RERE: variants seen among roughly 807,000 people sequenced by gnomAD.
The protein encoded by RERE is arginine-glutamic acid dipeptide repeats protein.
In RERE, 40 loss-of-function variants were observed where a neutral mutation model predicts 146.1. The observed-to-expected ratio is 0.27, with a 90% confidence interval of 0.21 to 0.36. The LOEUF (loss-of-function observed/expected upper bound fraction) is 0.36, where lower values mean the gene tolerates loss of function less well. RERE is among the 10% of genes least tolerant of loss of function. RERE has a pLI of 1.00. For missense variants in RERE, 1,933 were observed against 2,138.7 expected, an observed-to-expected ratio of 0.90 and a Z score of 1.90; for synonymous variants, 1,003 against 866.0, an observed-to-expected ratio of 1.16 and a Z score of -2.78.
At position 8,423,511 on chromosome 1, in the gene RERE, A is replaced by T; in HGVS notation, c.1204-704T>A. 2.0e-6 allele frequency: 2 copies of T among 981,520 alleles called. No individual in the cohort carries two copies. Among genetic ancestry groups the T allele is most frequent in the Non-Finnish European group, 2.4e-6 (2 of 826,572 alleles). The allele number at this position is 981,520 out of a possible 1,614,324, so 60.8% of individuals were successfully genotyped here. A position where few individuals can be genotyped will look rare whatever the true frequency, so the allele number is the denominator to read the frequency against. The stretch of plus-strand genomic sequence containing the variant: ...CTTTCACTTTGTCCCATGCCTCCCG[A>T]GCACCCCTCCCCGCCCCGGTGGGGG... On this transcript the variant is annotated intron_variant, in intron 11 of 22. Transcript: ENST00000400908. The surrounding 1 kb of genome is among the most constrained non-coding windows in gnomAD (Gnocchi z 5.4).
intron 1 of RERE, among the ~76,000 whole-genome samples, chr1:8,716,739 TA>T (rs1038861516): frequency 6.6e-6 from 1 of 151,728 alleles, no homozygotes; most frequent in Non-Finnish European, 1.5e-5. Context: ...TACCTTTTTT[TA>T]AAAAAAATTC....
At chr1:8,604,764 C>T (rs1239029549) in intron 4 of RERE, among the ~76,000 whole-genome samples, 1 of 148,656 alleles carries the variant, frequency 6.7e-6, no homozygotes, top group South Asian at 2.1e-4. Context: ...ACGAACTTGC[C>T]AAAAAAAAAC....
At chr1:8,433,796 A>G (rs1644129825) in intron 11 of RERE, among the ~76,000 whole-genome samples, 2 of 151,058 alleles carry the variant, frequency 1.3e-5, no homozygotes, top group Non-Finnish European at 1.5e-5. Context: ...TCCTGACCTC[A>G]TGATCCACCC....
chr1:8,694,975 G>T (rs1570618263), intron 1 of RERE, among the ~76,000 whole-genome samples: 3 of 133,196 alleles, frequency 2.3e-5, no homozygotes, highest in African/African-American at 8.7e-5. Flanking sequence ...AAATCCTAAG[G>T]GGGGGGGGGG....
chr1:8,685,455 C>T (rs952516652), intron 1 of RERE, among the ~76,000 whole-genome samples: 1 of 152,140 alleles, frequency 6.6e-6, no homozygotes, highest in East Asian at 1.9e-4. Context: ...GGCGCGGTGG[C>T]TCACGCCTGT....
intron 10 of RERE, among the ~76,000 whole-genome samples, chr1:8,478,376 A>G (rs1178025584): frequency 6.6e-6 from 1 of 152,196 alleles, no homozygotes; most frequent in Admixed American, 6.5e-5. Context: ...AGAAAGAAGA[A>G]AAGGAGGAGA....
intron 1 of RERE, among the ~76,000 whole-genome samples, chr1:8,781,850 G>A (rs1641171447): frequency 6.6e-6 from 1 of 151,824 alleles, no homozygotes; most frequent in African/African-American, 2.4e-5. Context: ...TAATATAAAA[G>A]AAATCTCAAG....
intron 4 of RERE, 124 bp from the exon 5 acceptor site, chr1:8,557,647 A>T (rs1286977692): frequency 2.9e-6 from 2 of 683,598 alleles, no homozygotes; most frequent in Non-Finnish European, 5.2e-6. Flanking sequence ...CACAATTACC[A>T]TCAGGACCAC....
Position 8,358,203 on chromosome 1 carries a change from G to A in RERE, c.4332C>T (p.Leu1444=). The A allele has an allele frequency of 6.3e-7, 1 of 1,591,738 alleles. No individual in the cohort carries two copies. Among genetic ancestry groups the A allele is most frequent in the Non-Finnish European group, 8.6e-7 (1 of 1,162,618 alleles). ...CCACGCTGGGGCACGCACCTTGGTG[G>A]AGGGGGTCCTGCTGGTGGAGGTGGA... The part of the protein sequence containing the change: ...SHLHLHQQDP[L]HQGSAGPVHP... Residue 1444 remains leucine, a synonymous_variant, in exon 20 of 23, where the codon CTC becomes CTT. Transcript: ENST00000400908.
At chr1:8,402,907 G>A (rs890996122) in intron 12 of RERE, among the ~76,000 whole-genome samples, 10 of 151,972 alleles carry the variant, frequency 6.6e-5, no homozygotes, top group African/African-American at 2.4e-4. Context: ...AGTTTCTTTC[G>A]CTTTTTTTTG....
intron 1 of RERE, among the ~76,000 whole-genome samples, chr1:8,667,479 G>A (rs1638603348): frequency 6.6e-6 from 1 of 152,098 alleles, no homozygotes; most frequent in African/African-American, 2.4e-5. Flanking sequence ...AATTTGAGAC[G>A]AGCCTGGCCC....
At chr1:8,615,809 A>G (rs1305861613) in intron 3 of RERE, among the ~76,000 whole-genome samples, 1 of 152,170 alleles carries the variant, frequency 6.6e-6, no homozygotes, top group Non-Finnish European at 1.5e-5. Context: ...CACACAAAAC[A>G]AAACAAATAC....
chr1:8,633,755 T>C (rs1376188963), intron 2 of RERE, among the ~76,000 whole-genome samples: 3 of 151,744 alleles, frequency 2.0e-5, no homozygotes, highest in African/African-American at 7.3e-5. Flanking sequence ...GGCAAAACTC[T>C]GTCTCTACAA....
At chr1:8,500,989 G>T (rs1432535105) in intron 8 of RERE, among the ~76,000 whole-genome samples, 1 of 143,348 alleles carries the variant, frequency 7.0e-6, no homozygotes, top group Non-Finnish European at 1.5e-5. Flanking sequence ...ACCCCGTCTG[G>T]GAAGTGAGGA....
At chr1:8,480,118 GCCTT>G (rs1451125516) in intron 10 of RERE, among the ~76,000 whole-genome samples, 1 of 138,030 alleles carries the variant, frequency 7.2e-6, no homozygotes, top group African/African-American at 2.9e-5. Context: ...TTTTATTAAA[GCCTT>G]TTTTTGTTTT....
In RERE at chr1:8,545,982, C is replaced by CTTTTTTTTTTTTTTTTTTTT. The variant is rs3050828; in HGVS notation, c.726-4684_726-4665dup. 3.5e-4 allele frequency among the ~76,000 whole-genome samples: 24 copies of CTTTTTTTTTTTTTTTTTTTT among 69,474 alleles called. 3 individuals carry two copies. Among genetic ancestry groups the CTTTTTTTTTTTTTTTTTTTT allele is most frequent in the African/African-American group, 1.4e-3 (23 of 16,694 alleles). 45.6% of individuals were successfully genotyped at this position (69,474 alleles called of 152,430 possible). A position where few individuals can be genotyped will look rare whatever the true frequency, so the allele number is the denominator to read the frequency against. On this transcript the variant is annotated intron_variant, in intron 6 of 22. Transcript: ENST00000400908. Reference sequence around the variant, plus strand: ...ACAGGTGCAAGCTACCATACCCAGTCTTTTTTTTTTTTTTTTTTTTTTTTT... The same window carrying CTTTTTTTTTTTTTTTTTTTT: ...ACAGGTGCAAGCTACCATACCCAGTCTTTTTTTTTTTTTTTTTTTTTTTTTTTTTTTTTTTTTTTTTTTTT...
chr1:8,480,535 A>C (rs1350815905), intron 10 of RERE, among the ~76,000 whole-genome samples: 4 of 151,492 alleles, frequency 2.6e-5, no homozygotes, highest in Admixed American at 1.3e-4. Context: ...TCCCAGGTTC[A>C]AGCAATTCTC....
At chr1:8,400,565 CT>C (rs1286357265) in intron 12 of RERE, among the ~76,000 whole-genome samples, 1 of 152,052 alleles carries the variant, frequency 6.6e-6, no homozygotes, top group East Asian at 1.9e-4. Flanking sequence ...TATTTATATA[CT>C]TTTCTATAAA....
intron 4 of RERE, among the ~76,000 whole-genome samples, chr1:8,598,379 G>A (rs746624734): frequency 3.1e-4 from 47 of 152,314 alleles, no homozygotes; most frequent in Non-Finnish European, 4.6e-4. Context: ...GGTGACAGGT[G>A]GGACGTGAAG....
Sources: gnomAD v4.1 joint callset for allele counts (sites outside exome capture counted in the v4.1 genomes callset) on GRCh38, gnomAD v4.1.1 for gene constraint, Gnocchi (gnomAD v3.1) non-coding constraint, MANE v1.5 for transcripts, NCBI Gene and HGNC (gene_info 2026-07-23, HGNC 2026-07-21) for gene names.